The following KCTD8 variants were observed in gnomAD, a reference collection of about 807,000 sequenced individuals.
KCTD8 encodes the protein BTB/POZ domain-containing protein KCTD8.
A neutral mutation model predicts 31.5 loss-of-function variants in KCTD8; 27 were observed. That is an observed-to-expected ratio of 0.86 (90% CI 0.63 to 1.18). The LOEUF is 1.18. KCTD8 is among the 50% of genes most tolerant of loss of function. The probability of loss-of-function intolerance (pLI) is 0.00; values close to 1 mark genes in which losing one functional copy is unlikely to be tolerated. For missense variants in KCTD8, 658 were observed against 647.7 expected, an observed-to-expected ratio of 1.02 and a Z score of -0.17; for synonymous variants, 290 against 280.0, an observed-to-expected ratio of 1.04 and a Z score of -0.36.
chr4:44,181,840 G>C (rs1388607469), intron 1 of KCTD8, among the ~76,000 whole-genome samples: 1 of 150,444 alleles, frequency 6.6e-6, no homozygotes, highest in African/African-American at 2.5e-5. Flanking sequence ...TGAGATGTGG[G>C]GAGCGCCTCT....
intron 1 of KCTD8, among the ~76,000 whole-genome samples, chr4:44,267,383 G>A (rs375412816): frequency 4.9e-4 from 74 of 152,082 alleles, no homozygotes; most frequent in African/African-American, 1.6e-3. Context: ...TCTCTGGGAC[G>A]CATTCAAGGC....
At chr4:44,328,342 T>C (rs1382421691) in intron 1 of KCTD8, among the ~76,000 whole-genome samples, 2 of 151,916 alleles carry the variant, frequency 1.3e-5, no homozygotes, top group Admixed American at 1.3e-4. Flanking sequence ...TTTTAAAGGA[T>C]CTCTCCTAAC....
At chr4:44,417,074 G>A (rs1329903983) in intron 1 of KCTD8, among the ~76,000 whole-genome samples, 1 of 152,116 alleles carries the variant, frequency 6.6e-6, no homozygotes, top group Non-Finnish European at 1.5e-5. Context: ...CTTGTTCAAG[G>A]TCACATAGTT....
intron 1 of KCTD8, among the ~76,000 whole-genome samples, chr4:44,434,069 T>C (rs1721579664): frequency 6.6e-6 from 1 of 151,878 alleles, no homozygotes; most frequent in Non-Finnish European, 1.5e-5. Context: ...CTTCCAACAC[T>C]TCCCCTGATA....
intron 1 of KCTD8, among the ~76,000 whole-genome samples, chr4:44,282,227 C>T (rs915870293): frequency 1.3e-5 from 2 of 151,942 alleles, no homozygotes; most frequent in African/African-American, 4.8e-5. Context: ...CACTTTGTGT[C>T]TCTGTGTCAC....
intron 1 of KCTD8, among the ~76,000 whole-genome samples, chr4:44,270,126 G>T (rs1363348137): frequency 2.6e-5 from 4 of 152,076 alleles, no homozygotes; most frequent in African/African-American, 9.7e-5. Flanking sequence ...CAATAGCAAA[G>T]TCTTGGAACC....
chr4:44,207,815 C>A (rs1714360447), intron 1 of KCTD8, among the ~76,000 whole-genome samples: 1 of 152,142 alleles, frequency 6.6e-6, no homozygotes, highest in Admixed American at 6.5e-5. Context: ...ATACTGTTTT[C>A]TCTATGGGAA....
intron 1 of KCTD8, among the ~76,000 whole-genome samples, chr4:44,190,121 T>C (rs1228303409): frequency 1.6e-4 from 25 of 152,186 alleles, no homozygotes; most frequent in Admixed American, 1.6e-3. Flanking sequence ...CTTTTATCCA[T>C]ACTAAACAAA....
intron 1 of KCTD8, among the ~76,000 whole-genome samples, chr4:44,447,235 C>T (rs1351491657): frequency 6.6e-6 from 1 of 152,262 alleles, no homozygotes; most frequent in Non-Finnish European, 1.5e-5. Flanking sequence ...CCAGTCTCTC[C>T]CACCCTGTCC....
intron 1 of KCTD8, among the ~76,000 whole-genome samples, chr4:44,393,028 G>A (rs1720410889): frequency 6.6e-6 from 1 of 151,990 alleles, no homozygotes; most frequent in African/African-American, 2.4e-5. Flanking sequence ...TTTGAGAAAT[G>A]CTGACACTGA....
chr4:44,325,582 G>A (rs948086599), intron 1 of KCTD8, among the ~76,000 whole-genome samples: 13 of 151,790 alleles, frequency 8.6e-5, no homozygotes, highest in African/African-American at 3.2e-4. Context: ...TTGCGTGCCT[G>A]TATCAAAACA....
chr4:44,295,678 CAT>C (rs1717408609), intron 1 of KCTD8, among the ~76,000 whole-genome samples: 1 of 152,026 alleles, frequency 6.6e-6, no homozygotes, highest in Non-Finnish European at 1.5e-5. Flanking sequence ...AGAAGTTTCT[CAT>C]AGTTCTAGAG....
At chr4:44,182,176 C>T (rs111713219) in intron 1 of KCTD8, among the ~76,000 whole-genome samples, 2,811 of 151,084 alleles carry the variant, frequency 0.019, 85 homozygotes, top group African/African-American at 0.062. Context: ...GGTGGGGGGG[C>T]GCCTCCGCCT....
At chr4:44,262,124 C>G (rs1042256633) in intron 1 of KCTD8, among the ~76,000 whole-genome samples, 1 of 152,008 alleles carries the variant, frequency 6.6e-6, no homozygotes, top group South Asian at 2.1e-4. Flanking sequence ...TTCTGTCAAA[C>G]GGTTTCTCAA....
rs145582698 is a variant in KCTD8, at chr4:44,299,278, T to C, written c.962-124028A>G. ...ATTTTTCAAAGAACACTCTTCCTCATTTCTTTCTAAAAAGCAGGTATGCCA... is the reference window on the plus strand; with the variant it reads ...ATTTTTCAAAGAACACTCTTCCTCACTTCTTTCTAAAAAGCAGGTATGCCA... On this transcript the variant is annotated intron_variant, in intron 1 of 1. Transcript: ENST00000360029. Among the ~76,000 whole-genome samples the C allele has an allele frequency of 3.1e-3, 476 of 152,296 alleles. 5 individuals are homozygous for C. Among genetic ancestry groups the C allele is most frequent in the East Asian group, 8.1e-3 (42 of 5,180 alleles).
intron 1 of KCTD8, among the ~76,000 whole-genome samples, chr4:44,183,123 A>C (rs1429610624): frequency 1.3e-5 from 2 of 152,218 alleles, no homozygotes; most frequent in Non-Finnish European, 1.5e-5. Context: ...TATGAATTGC[A>C]GACAGGTCTC....
chr4:44,343,845 G>A (rs182042604), intron 1 of KCTD8, among the ~76,000 whole-genome samples: 1 of 151,546 alleles, frequency 6.6e-6, no homozygotes, highest in Admixed American at 6.6e-5. Flanking sequence ...GGTTTTTTTT[G>A]TTGTTGTTGT....
At chr4:44,255,731 C>A (rs1560407468) in intron 1 of KCTD8, among the ~76,000 whole-genome samples, 1 of 151,636 alleles carries the variant, frequency 6.6e-6, no homozygotes, top group Non-Finnish European at 1.5e-5. Flanking sequence ...ATGTTATACA[C>A]AAAAATCCAT....
At chr4:44,232,080 G>A (rs545946456) in intron 1 of KCTD8, among the ~76,000 whole-genome samples, 13 of 151,992 alleles carry the variant, frequency 8.6e-5, no homozygotes, top group African/African-American at 2.7e-4. Context: ...CAAATTTCTC[G>A]GTCTTCACCA....
Sources: allele counts gnomAD v4.1 joint callset (sites outside exome capture counted in the v4.1 genomes callset), GRCh38; gene constraint gnomAD v4.1.1; transcripts MANE v1.5; gene names NCBI Gene and HGNC (gene_info 2026-07-23, HGNC 2026-07-21).